ADAM19: variants seen among roughly 807,000 people sequenced by gnomAD.
ADAM19 encodes disintegrin and metalloproteinase domain-containing protein 19.
A neutral mutation model predicts 114.7 loss-of-function variants in ADAM19; 65 were observed. The observed-to-expected ratio is 0.57, with a 90% CI of 0.46 to 0.70. The LOEUF (loss-of-function observed/expected upper bound fraction) is 0.70, where lower values mean the gene tolerates loss of function less well. Ranked by LOEUF, ADAM19 falls within the 30% of genes least tolerant of loss-of-function variation. The pLI, the probability that ADAM19 is intolerant of heterozygous loss-of-function variation, is 0.00. For missense variants in ADAM19, 1,063 were observed against 1,204.7 expected, an observed-to-expected ratio of 0.88 and a Z score of 1.74; for synonymous variants, 466 against 460.5, an observed-to-expected ratio of 1.01 and a Z score of -0.15.
At chr5:157,554,310 C>T (rs774323750) in intron 3 of ADAM19, among the ~76,000 whole-genome samples, 2 of 152,206 alleles carry the variant, frequency 1.3e-5, no homozygotes, top group Admixed American at 1.3e-4. Flanking sequence ...CATTTTACCC[C>T]GTGCTCCTGC....
chr5:157,479,974 C>T lies in ADAM19; in HGVS notation c.*975G>A, dbSNP rs1309289118. On this transcript the variant is annotated 3_prime_UTR_variant, in exon 23 of 23. Coordinates refer to ENST00000257527, the MANE Select transcript of ADAM19 (RefSeq NM_033274.5). ...TAAACATATGACCCCAATGGCCATG[C>T]CCCAAGTCTACTCTGGTCACACTCC... The T allele has an allele frequency of 1.5e-5, 15 of 985,764 alleles. No homozygotes were observed. Among genetic ancestry groups the T allele is most frequent in the Non-Finnish European group, 1.8e-5 (15 of 829,962 alleles). 61.1% of individuals were successfully genotyped at this position (985,764 alleles called of 1,614,324 possible).
rs369550254 is a variant in ADAM19 at position 157,538,128 on chromosome 5, G to A, written c.252-137C>T. On this transcript the variant is annotated intron_variant, in intron 3 of 22. Coordinates refer to ENST00000257527, the MANE Select transcript of ADAM19 (RefSeq NM_033274.5). ...CAAAAGAAACTAGGCAGCCACAAGG[G>A]GCTAAGGAACAAAAAGGAAAACCAT... 16 of 542,708 alleles carry A rather than the reference G, an allele frequency of 2.9e-5. No homozygotes were observed. The East Asian group carries it at 4.6e-4, about 16-fold the overall frequency. 33.6% of individuals were successfully genotyped at this position (542,708 alleles called of 1,614,324 possible). A position where few individuals can be genotyped will look rare whatever the true frequency, so the allele number is the denominator to read the frequency against.
chr5:157,487,219 C>A (rs557124009), intron 21 of ADAM19, among the ~76,000 whole-genome samples: 46 of 152,224 alleles, frequency 3.0e-4, no homozygotes, highest in African/African-American at 1.0e-3. Flanking sequence ...TTCCTCTTTC[C>A]TTCTCTCTCC....
chr5:157,537,842 T>A, intron 4 of ADAM19, 71 bp downstream of exon 4: 2 of 1,368,140 alleles, frequency 1.5e-6, no homozygotes, highest in Non-Finnish European at 2.1e-6. Context: ...CCATCAGGCA[T>A]CTCCTGAGGT....
chr5:157,492,890 C>T, intron 16 of ADAM19, 83 bp downstream of exon 16: 1 of 1,484,888 alleles, frequency 6.7e-7, no homozygotes, highest in African/African-American at 1.4e-5. Flanking sequence ...GGCATCTGAG[C>T]CCAGGCATCC....
intron 3 of ADAM19, among the ~76,000 whole-genome samples, chr5:157,563,817 G>A (rs1305075637): frequency 1.3e-5 from 2 of 152,168 alleles, no homozygotes; most frequent in African/African-American, 4.8e-5. Flanking sequence ...TCTGAGCCAG[G>A]CTACCACCCA....
chr5:157,501,628 A>G (rs1365307246), intron 12 of ADAM19, among the ~76,000 whole-genome samples: 1 of 149,834 alleles, frequency 6.7e-6, no homozygotes, highest in Non-Finnish European at 1.5e-5. Context: ...TGTTCATACC[A>G]CTCCCTCCTT....
At position 157,556,305 on chromosome 5, in the gene ADAM19, G is replaced by C. The variant is rs888952424; in HGVS notation, c.251+8068C>G. ...ACAATCTCGGCTCACTGCAACCTCT[G>C]CCTCCCGGGTTCAAGCAATTCTTCT... is the stretch of plus-strand genomic sequence containing the variant. On this transcript the variant is annotated intron_variant, in intron 3 of 22. Transcript: ENST00000257527. 2.3e-5 allele frequency among the ~76,000 whole-genome samples: 3 copies of C among 129,126 alleles called. No homozygotes were observed. The South Asian group carries it at 7.7e-4, about 33-fold the overall frequency. The allele number at this position is 129,126 out of a possible 152,430, so 84.7% of individuals were successfully genotyped here. A position where few individuals can be genotyped will look rare whatever the true frequency, so the allele number is the denominator to read the frequency against.
At chr5:157,559,333 G>A (rs1466576391) in intron 3 of ADAM19, among the ~76,000 whole-genome samples, 2 of 152,188 alleles carry the variant, frequency 1.3e-5, no homozygotes, top group African/African-American at 4.8e-5. Flanking sequence ...AGAAATGAGA[G>A]TCCTAGAATG....
chr5:157,532,186 C>T (rs1756643518), intron 4 of ADAM19, among the ~76,000 whole-genome samples: 2 of 152,136 alleles, frequency 1.3e-5, no homozygotes, highest in Admixed American at 1.3e-4. Flanking sequence ...TCCATCACTA[C>T]AAACAGCTGT....
intron 5 of ADAM19, among the ~76,000 whole-genome samples, chr5:157,527,204 A>T (rs2113751344): frequency 6.6e-6 from 1 of 151,872 alleles, no homozygotes; most frequent in East Asian, 1.9e-4. Flanking sequence ...GGAAACTGAC[A>T]CTTTTTTTTG....
chr5:157,573,618 T>C (rs561237741), intron 1 of ADAM19, among the ~76,000 whole-genome samples: 3 of 152,012 alleles, frequency 2.0e-5, no homozygotes, highest in Non-Finnish European at 4.4e-5. Context: ...TGGTGGCACA[T>C]GCCAATAAGC....
At chr5:157,550,436 C>G (rs1270067544) in intron 3 of ADAM19, among the ~76,000 whole-genome samples, 1 of 152,116 alleles carries the variant, frequency 6.6e-6, no homozygotes, top group Non-Finnish European at 1.5e-5. Context: ...TAAATACATC[C>G]ACAACTCAAT....
At chr5:157,541,015 G>C (rs569148865) in intron 3 of ADAM19, among the ~76,000 whole-genome samples, 1 of 152,090 alleles carries the variant, frequency 6.6e-6, no homozygotes, top group Non-Finnish European at 1.5e-5. Context: ...AAACTCTAGG[G>C]TTAGGGCCAG....
intron 19 of ADAM19, 89 bp downstream of exon 19, chr5:157,490,221 C>T (rs1755103157): frequency 6.7e-7 from 1 of 1,484,484 alleles, no homozygotes; most frequent in African/African-American, 1.4e-5. Context: ...ATTAGACCCA[C>T]TATCACCAAC....
At chr5:157,524,606 C>T (rs1756400873) in intron 5 of ADAM19, among the ~76,000 whole-genome samples, 1 of 152,196 alleles carries the variant, frequency 6.6e-6, no homozygotes, top group African/African-American at 2.4e-5. Flanking sequence ...TTTCCTCTCC[C>T]CTTCTCTGCA....
At position 157,492,040 on chromosome 5, in the gene ADAM19, C is replaced by A. The variant is rs1755185450; in HGVS notation, c.1909-128G>T. The A allele has an allele frequency of 9.9e-6, 8 of 811,020 alleles. No individual in the cohort carries two copies. In the South Asian group the frequency reaches 1.2e-4, roughly 12 times the overall value. 50.2% of individuals were successfully genotyped at this position (811,020 alleles called of 1,614,324 possible). On this transcript the variant is annotated intron_variant, in intron 16 of 22. Transcript: ENST00000257527. ...GGCCTGGTGGCTCACGCCTGTAATCCCAGCACTTTGGGAGGCTGAGGTGGG... is the reference window on the plus strand; with the variant it reads ...GGCCTGGTGGCTCACGCCTGTAATCACAGCACTTTGGGAGGCTGAGGTGGG...
chr5:157,564,318 G>T, intron 3 of ADAM19, 55 bp downstream of exon 3: 5 of 1,520,456 alleles, frequency 3.3e-6, no homozygotes, highest in Non-Finnish European at 4.6e-6. Context: ...ACCTGCGTCC[G>T]GCGTTGACAC....
Position 157,493,134 on chromosome 5 carries a change from G to T in ADAM19, c.1747C>A (p.Arg583=). ...GGCACCGCGTTGGACTCCAGGGGCC[G>T]GGCCTCAGAGCTCTGACACTGGATC... The part of the protein sequence containing the change: ...GKIQCQSSEA[R]PLESNAVPID... Residue 583 remains arginine, a synonymous_variant, in exon 16 of 23, where the codon CGG becomes AGG. Coordinates refer to ENST00000257527, the MANE Select transcript of ADAM19 (RefSeq NM_033274.5). 6.2e-7 allele frequency: 1 copy of T among 1,614,206 alleles called. No individual in the cohort carries two copies. Among genetic ancestry groups the T allele is most frequent in the Non-Finnish European group, 8.5e-7 (1 of 1,180,032 alleles).
Sources: gnomAD v4.1 joint callset for allele counts (sites outside exome capture counted in the v4.1 genomes callset) on GRCh38, gnomAD v4.1.1 for gene constraint, MANE v1.5 for transcripts, NCBI Gene and HGNC (gene_info 2026-07-23, HGNC 2026-07-21) for gene names.